TAMM41: variants seen among roughly 807,000 people sequenced by gnomAD.
The protein encoded by TAMM41 is phosphatidate cytidylyltransferase, mitochondrial.
In TAMM41, 36 loss-of-function variants were observed where a neutral mutation model predicts 44.1. That is an observed-to-expected ratio of 0.82 (90% CI 0.63 to 1.08). The LOEUF (loss-of-function observed/expected upper bound fraction) is 1.08. Ranked by LOEUF, TAMM41 falls within the 50% of genes least tolerant of loss-of-function variation. TAMM41 has a pLI of 0.00. For synonymous variants in TAMM41, 164 were observed against 153.1 expected, an observed-to-expected ratio of 1.07 and a Z score of -0.53; for missense variants, 417 against 404.3, an observed-to-expected ratio of 1.03 and a Z score of -0.27.
chr3:11,724,126 G>C, the TAMM41 span, among the ~76,000 whole-genome samples: 2 of 150,680 alleles, frequency 1.3e-5, no homozygotes, highest in Admixed American at 1.3e-4. Context: ...TTATTTTTGA[G>C]ATGGAGTCTC....
the TAMM41 span, among the ~76,000 whole-genome samples, chr3:11,733,882 C>T: frequency 6.6e-6 from 1 of 152,244 alleles, no homozygotes; most frequent in East Asian, 1.9e-4. Flanking sequence ...AGTAGTGACT[C>T]AGGGACCCAA....
the TAMM41 span, among the ~76,000 whole-genome samples, chr3:11,747,592 C>T: frequency 6.6e-6 from 1 of 151,826 alleles, no homozygotes; most frequent in Middle Eastern, 3.4e-3. Context: ...TATAGCGAGA[C>T]TCCATCCCTA....
the TAMM41 span, among the ~76,000 whole-genome samples, chr3:11,759,494 T>G: frequency 2.0e-5 from 3 of 152,000 alleles, no homozygotes; most frequent in East Asian, 3.9e-4. Flanking sequence ...TTTAGGACCC[T>G]GATGTCCTCA....
chr3:11,759,489 G>C, the TAMM41 span, among the ~76,000 whole-genome samples: 2 of 151,854 alleles, frequency 1.3e-5, no homozygotes, highest in Non-Finnish European at 2.9e-5. Context: ...AACCTTTTAG[G>C]ACCCTGATGT....
At chr3:11,788,122 C>G (rs1287790324), downstream of TAMM41, among the ~76,000 whole-genome samples, 1 of 152,188 alleles carries the variant, frequency 6.6e-6, no homozygotes. Context: ...GTCACTTCCT[C>G]TCCAGAGGCC....
intron 4 of TAMM41, among the ~76,000 whole-genome samples, chr3:11,819,133 G>C (rs2078408770): frequency 6.6e-6 from 1 of 152,184 alleles, no homozygotes. Flanking sequence ...TATTGCTGTT[G>C]ACTGCATAAA....
At chr3:11,819,912 G>A (rs1362639172) in intron 4 of TAMM41, among the ~76,000 whole-genome samples, 1 of 152,024 alleles carries the variant, frequency 6.6e-6, no homozygotes, top group Non-Finnish European at 1.5e-5. Context: ...CATAAAATAA[G>A]TACTATTATT....
the TAMM41 span, among the ~76,000 whole-genome samples, chr3:11,726,680 G>A: frequency 6.6e-6 from 1 of 151,942 alleles, no homozygotes; most frequent in East Asian, 1.9e-4. Context: ...GAATGTGCCT[G>A]TAATCCCAGC....
chr3:11,735,146 G>A, the TAMM41 span, among the ~76,000 whole-genome samples: 1 of 151,960 alleles, frequency 6.6e-6, no homozygotes, highest in African/African-American at 2.4e-5. Flanking sequence ...GATCACTTGA[G>A]CCAGGAGTTC....
At chr3:11,736,815 A>T in the TAMM41 span, among the ~76,000 whole-genome samples, 1 of 152,048 alleles carries the variant, frequency 6.6e-6, no homozygotes, top group African/African-American at 2.4e-5. Context: ...CACTCTTCCT[A>T]TTTAGGGGAA....
chr3:11,724,883 A>T, the TAMM41 span: 1 of 152,292 alleles, frequency 6.6e-6, no homozygotes, highest in Non-Finnish European at 1.5e-5. Context: ...GTCCTCCCCA[A>T]TCTAGTTCTT....
chr3:11,786,258 CATTTATTTATTT>C (rs58941446), downstream of TAMM41, among the ~76,000 whole-genome samples: 2 of 143,250 alleles, frequency 1.4e-5, no homozygotes, highest in African/African-American at 2.6e-5. Flanking sequence ...CATTAAGTTC[CATTTATTTATTT>C]ATTTATTTAT....
the TAMM41 span, among the ~76,000 whole-genome samples, chr3:11,725,327 CCTT>C: frequency 6.6e-5 from 9 of 135,730 alleles, no homozygotes; most frequent in African/African-American, 2.2e-4. Flanking sequence ...TCCTCCTCCT[CCTT>C]TTTTTCTTCT....
the TAMM41 span, among the ~76,000 whole-genome samples, chr3:11,769,260 T>C: frequency 2.6e-5 from 4 of 152,208 alleles, no homozygotes; most frequent in Admixed American, 6.5e-5. Flanking sequence ...CAGCTAATTT[T>C]TGTATTTTTA....
chr3:11,840,217 GT>G (rs2079371753), intron 2 of TAMM41, among the ~76,000 whole-genome samples: 3 of 147,732 alleles, frequency 2.0e-5, no homozygotes, highest in East Asian at 3.9e-4. Flanking sequence ...CCAGCCTCAC[GT>G]TAATGTTAAT....
chr3:11,761,320 C>A, the TAMM41 span, among the ~76,000 whole-genome samples: 8 of 152,188 alleles, frequency 5.3e-5, no homozygotes, highest in East Asian at 1.9e-4. Context: ...GCTCAGTCTT[C>A]TTGAGGGCAC....
the TAMM41 span, among the ~76,000 whole-genome samples, chr3:11,774,689 C>T: frequency 6.6e-6 from 1 of 152,054 alleles, no homozygotes; most frequent in Admixed American, 6.5e-5. Context: ...GAGATCAAGG[C>T]ACTGGCAGAT....
chr3:11,779,198 A>T, the TAMM41 span, among the ~76,000 whole-genome samples: 1 of 152,092 alleles, frequency 6.6e-6, no homozygotes, highest in Non-Finnish European at 1.5e-5. Context: ...CCCCTTCCCC[A>T]TCTGCCATGA....
At chr3:11,787,161 G>C (rs562798731), downstream of TAMM41, among the ~76,000 whole-genome samples, 12 of 152,332 alleles carry the variant, frequency 7.9e-5, no homozygotes, top group African/African-American at 2.2e-4. Flanking sequence ...TCCTGAGAGA[G>C]AGCCGGAAGG....
Sources: allele counts gnomAD v4.1 joint callset (sites outside exome capture counted in the v4.1 genomes callset), GRCh38; gene constraint gnomAD v4.1.1; transcripts MANE v1.5; gene names NCBI Gene and HGNC (gene_info 2026-07-23, HGNC 2026-07-21).